CR1: variants seen among roughly 807,000 people sequenced by gnomAD.
The protein encoded by CR1 is complement receptor type 1.
CR1 carries 116 observed loss-of-function variants against 187.3 expected under a neutral mutation model. The observed-to-expected ratio is 0.62, with a 90% CI of 0.53 to 0.72. The LOEUF is 0.72. CR1 is among the 30% of genes least tolerant of loss of function. The pLI, the probability that CR1 is intolerant of heterozygous loss-of-function variation, is 0.00. For synonymous variants in CR1, 576 were observed against 747.1 expected, an observed-to-expected ratio of 0.77 and a Z score of 3.73; for missense variants, 1,731 against 2,110.7, an observed-to-expected ratio of 0.82 and a Z score of 3.52.
chr1:207,498,567 T>C (rs1289200696), intron 1 of CR1, among the ~76,000 whole-genome samples: 4 of 152,118 alleles, frequency 2.6e-5, no homozygotes, highest in African/African-American at 7.2e-5. Context: ...AATTGCATCA[T>C]ATAAAATGCT....
At chr1:207,635,038 T>C (rs1441442297) in intron 46 of CR1, among the ~76,000 whole-genome samples, 1 of 152,196 alleles carries the variant, frequency 6.6e-6, no homozygotes, top group African/African-American at 2.4e-5. Context: ...TCGCCATACT[T>C]TCTATGTCCT....
intron 45 of CR1, among the ~76,000 whole-genome samples, chr1:207,625,325 G>T (rs1228212544): frequency 3.3e-5 from 5 of 152,082 alleles, no homozygotes; most frequent in African/African-American, 1.2e-4. Context: ...CCAGAAATGT[G>T]GCAGAAAGAA....
chr1:207,611,925 A>G lies in CR1; in HGVS notation c.6473-14A>G. The G allele has an allele frequency of 6.2e-7, 1 of 1,613,554 alleles. No homozygotes were observed. Among genetic ancestry groups the G allele is most frequent in the Non-Finnish European group, 8.5e-7 (1 of 1,179,788 alleles). On this transcript the variant is annotated splice_polypyrimidine_tract_variant and intron_variant, in intron 38 of 46. Coordinates refer to ENST00000367049, the MANE Select transcript of CR1 (RefSeq NM_000651.6). ...ATGGAGGACTTACTCCTGTTGTTTTATTTTTTCTTCTAGTGAAATCCTGTG... is the reference window on the plus strand; with the variant it reads ...ATGGAGGACTTACTCCTGTTGTTTTGTTTTTTCTTCTAGTGAAATCCTGTG...
At chr1:207,500,777 G>A (rs1283249602) in intron 1 of CR1, among the ~76,000 whole-genome samples, 1 of 152,154 alleles carries the variant, frequency 6.6e-6, no homozygotes. Flanking sequence ...TTACCCAAGA[G>A]AAATGAAATC....
At position 207,611,746 on chromosome 1, in the gene CR1, G is replaced by A. The variant is rs373376403; in HGVS notation, c.6365G>A (p.Gly2122Glu). The change falls in exon 38 of 47, where the codon GGG becomes GAG. Residue 2122 changes from glycine to glutamate, a missense_variant. Physicochemically the swap from Gly to Glu is moderately conservative, Grantham distance 98. Around this residue, in one of 5 missense-constraint regions of CR1, gnomAD observed 1,312 missense variants for 1,379.6 expected, o/e 0.95. Coordinates refer to ENST00000367049, the MANE Select transcript of CR1 (RefSeq NM_000651.6). ...TLSHQDNFSP[G>E]QEVFYSCEPS... ...AGCCATCAGGACAACTTTTCACCTG[G>A]GCAGGAAGTGTTCTACAGCTGTGAG... 6.2e-7 allele frequency: 1 copy of A among 1,613,916 alleles called. No individual in the cohort carries two copies. Among genetic ancestry groups the A allele is most frequent in the Non-Finnish European group, 8.5e-7 (1 of 1,179,870 alleles).
intron 33 of CR1, among the ~76,000 whole-genome samples, chr1:207,586,826 T>C (rs1324250069): frequency 6.6e-6 from 1 of 152,194 alleles, no homozygotes; most frequent in Non-Finnish European, 1.5e-5. Flanking sequence ...TAAAAGATGA[T>C]CTAATCTCAA....
At position 207,511,567 on chromosome 1, in the gene CR1, A is replaced by G; in HGVS notation, c.402-2A>G. The G allele has an allele frequency of 6.2e-7, 1 of 1,612,180 alleles. No homozygotes were observed. The highest frequency in any genetic ancestry group is 8.5e-7 in the Non-Finnish European group (1 of 1,178,492). ...GTAACATTCCTTATTTTTTGCCTCT[A>G]GATACCGACTCATTGGTTCCTCGTC... On this transcript the variant is annotated splice_acceptor_variant, in intron 3 of 46. Transcript: ENST00000367049. LOFTEE classifies it high-confidence loss of function.
chr1:207,618,576 A>G (rs1662216656), intron 42 of CR1, among the ~76,000 whole-genome samples: 1 of 152,156 alleles, frequency 6.6e-6, no homozygotes, highest in Non-Finnish European at 1.5e-5. Flanking sequence ...TGATGCAGGA[A>G]GACCACAGAC....
intron 35 of CR1, among the ~76,000 whole-genome samples, chr1:207,597,808 C>A (rs1481417708): frequency 6.6e-6 from 1 of 152,154 alleles, no homozygotes; most frequent in Non-Finnish European, 1.5e-5. Context: ...ATGTCCGTAG[C>A]AGCTTTGTTC....
At chr1:207,515,234 TA>T (rs1381900115) in intron 4 of CR1, among the ~76,000 whole-genome samples, 4 of 147,658 alleles carry the variant, frequency 2.7e-5, no homozygotes, top group African/African-American at 5.0e-5. Flanking sequence ...TATACGTATA[TA>T]TACATATACA....
intron 42 of CR1, 28 bp downstream of exon 42, chr1:207,618,275 C>T (rs1162969263): frequency 1.2e-6 from 2 of 1,603,500 alleles, no homozygotes; most frequent in African/African-American, 1.3e-5. Context: ...ATTCCTTATT[C>T]TTGCTGGGTT....
At position 207,577,880 on chromosome 1, in the gene CR1, G is replaced by A; in HGVS notation, c.4613G>A (p.Gly1538Glu). Residue 1538 changes from glycine to glutamate, a missense_variant, in exon 29 of 47, where the codon GGA becomes GAA. By Grantham distance (98) the Gly-to-Glu change is moderately conservative. Coordinates refer to ENST00000367049, the MANE Select transcript of CR1 (RefSeq NM_000651.6). ...ISTNRENFHY[G>E]SVVTYRCNLG... ...ACCAACAGAGAGAATTTTCACTATG[G>A]ATCAGTGGTGACCTACCGCTGCAAT... The A allele has an allele frequency of 6.2e-7, 1 of 1,613,642 alleles. No homozygotes were observed. Among genetic ancestry groups the A allele is most frequent in the East Asian group, 2.2e-5 (1 of 44,884 alleles).
chr1:207,496,727 T>C (rs1572978101), intron 1 of CR1, among the ~76,000 whole-genome samples: 1 of 152,240 alleles, frequency 6.6e-6, no homozygotes, highest in African/African-American at 2.4e-5. Flanking sequence ...AGACGTGGCG[T>C]TGATCCTAGT....
chr1:207,513,123 A>T (rs549552743), intron 4 of CR1, among the ~76,000 whole-genome samples: 2 of 152,370 alleles, frequency 1.3e-5, no homozygotes, highest in East Asian at 3.9e-4. Flanking sequence ...TTACACTTAT[A>T]CAAATCAAGT....
At chr1:207,614,594 A>C in intron 40 of CR1, 105 bp downstream of exon 40, 2 of 791,474 alleles carry the variant, frequency 2.5e-6, no homozygotes, top group Non-Finnish European at 4.0e-6. Context: ...ACTTAACTAA[A>C]TTATGGATAA....
At chr1:207,574,151 A>G (rs1222908352) in intron 27 of CR1, among the ~76,000 whole-genome samples, 7 of 152,242 alleles carry the variant, frequency 4.6e-5, no homozygotes, top group African/African-American at 1.7e-4. Context: ...AAAAGAGAAG[A>G]CATATGTAAC....
chr1:207,496,196 T>C lies in CR1; in HGVS notation c.-72T>C. 6.2e-7 allele frequency: 1 copy of C among 1,611,518 alleles called. No individual in the cohort carries two copies. ...GAGCACAATGATTGGTCACTCCTATTTTCGCTGAGCTTTTCCTCTTATTTC... is the reference window on the plus strand; with the variant it reads ...GAGCACAATGATTGGTCACTCCTATCTTCGCTGAGCTTTTCCTCTTATTTC... On this transcript the variant is annotated 5_prime_UTR_variant, in exon 1 of 47. Transcript: ENST00000367049.
At chr1:207,590,891 A>C (rs1272901541) in intron 35 of CR1, among the ~76,000 whole-genome samples, 1 of 152,194 alleles carries the variant, frequency 6.6e-6, no homozygotes, top group Non-Finnish European at 1.5e-5. Flanking sequence ...AGGATGCAAC[A>C]AGAAGAGCTA....
intron 3 of CR1, among the ~76,000 whole-genome samples, chr1:207,508,533 C>T (rs940868763): frequency 6.6e-6 from 1 of 152,144 alleles, no homozygotes; most frequent in African/African-American, 2.4e-5. Context: ...GACACGCACA[C>T]AAATAAGTGC....
Sources: gnomAD v4.1 joint callset for allele counts (sites outside exome capture counted in the v4.1 genomes callset) on GRCh38, gnomAD v4.1.1 for gene constraint, gnomAD v4.1.1 regional missense constraint, MANE v1.5 for transcripts, NCBI Gene and HGNC (gene_info 2026-07-23, HGNC 2026-07-21) for gene names.